The following SH3D19 variants were observed in gnomAD, a reference collection of about 807,000 sequenced individuals.
SH3D19 encodes SH3 domain-containing protein 19.
In SH3D19, 58 loss-of-function variants were observed where a neutral mutation model predicts 112.1. The ratio of observed to expected loss-of-function variants is 0.52; its 90% confidence interval spans 0.42 to 0.64. The LOEUF (loss-of-function observed/expected upper bound fraction) is 0.64. Ranked by LOEUF, SH3D19 falls within the 30% of genes least tolerant of loss-of-function variation. The pLI is 0.00. For missense variants in SH3D19, 1,090 were observed against 1,263.4 expected (o/e 0.86, Z 2.08); for synonymous variants, 391 against 448.5 (o/e 0.87, Z 1.62).
chr4:151,130,897 G>A (rs957153579), intron 17 of SH3D19, among the ~76,000 whole-genome samples: 1 of 150,984 alleles, frequency 6.6e-6, no homozygotes, highest in Non-Finnish European at 1.5e-5. Context: ...CCAAGACTGC[G>A]CCACTGCACT....
chr4:151,175,547 A>T lies in SH3D19; in HGVS notation c.657T>A (p.Ser219Arg). Residue 219 changes from serine to arginine, a missense_variant, in exon 7 of 20, where the codon AGT becomes AGA. By Grantham distance (110) the Ser-to-Arg change is moderately radical. Transcript: ENST00000604030. ...GTTTTGGCACTGGACATCTTGTAGCACTGGGGTTTTCTGGACAATTCGGTT... is the reference window on the plus strand; with the variant it reads ...GTTTTGGCACTGGACATCTTGTAGCTCTGGGGTTTTCTGGACAATTCGGTT... ...SEEPNCPENPSATRCPVPKPR... is the reference protein window; with the variant it reads ...SEEPNCPENPRATRCPVPKPR... 1 of 1,385,512 alleles carries T rather than the reference A, an allele frequency of 7.2e-7. No homozygotes were observed. The highest frequency in any genetic ancestry group is 9.3e-7 in the Non-Finnish European group (1 of 1,075,944). 85.8% of individuals were successfully genotyped at this position (1,385,512 alleles called of 1,614,324 possible). A position where few individuals can be genotyped will look rare whatever the true frequency, so the allele number is the denominator to read the frequency against.
intron 1 of SH3D19, among the ~76,000 whole-genome samples, chr4:151,303,100 T>C (rs1448414677): frequency 6.6e-6 from 1 of 152,154 alleles, no homozygotes; most frequent in Non-Finnish European, 1.5e-5. Flanking sequence ...GGAGATGAAA[T>C]ACACACAATA....
At chr4:151,153,839 A>C (rs1453084921) in intron 9 of SH3D19, among the ~76,000 whole-genome samples, 2 of 152,256 alleles carry the variant, frequency 1.3e-5, no homozygotes, top group African/African-American at 4.8e-5. Context: ...AGGAACAAAC[A>C]CAATTATGAA....
intron 2 of SH3D19, among the ~76,000 whole-genome samples, chr4:151,203,364 GT>G (rs574340574): frequency 4.3e-4 from 66 of 152,282 alleles, no homozygotes; most frequent in African/African-American, 1.3e-3. Context: ...AACCAGAAAG[GT>G]TTTCTTTAGC....
In SH3D19 at chr4:151,300,830, A is replaced by G. The variant is rs568402918; in HGVS notation, c.112+24411T>C. On this transcript the variant is annotated intron_variant, in intron 1 of 19. Coordinates refer to ENST00000604030, the MANE Select transcript of SH3D19 (RefSeq NM_001378122.1). ...TTGCAAACAGCCAGAGGTACCTGGA[A>G]CAGGACAGTGGCAATGAAGATGGAG... is the stretch of plus-strand genomic sequence containing the variant. 2.6e-3 allele frequency among the ~76,000 whole-genome samples: 396 copies of G among 152,358 alleles called. 2 individuals are homozygous for G. The highest frequency in any genetic ancestry group is 8.3e-3 in the African/African-American group (347 of 41,582).
intron 2 of SH3D19, among the ~76,000 whole-genome samples, chr4:151,204,689 A>G (rs1561338494): frequency 6.6e-6 from 1 of 152,250 alleles, no homozygotes; most frequent in Non-Finnish European, 1.5e-5. Flanking sequence ...TCAGGCCTAC[A>G]TAAACTAAAG....
At chr4:151,306,620 T>C (rs1195134355) in intron 1 of SH3D19, among the ~76,000 whole-genome samples, 2 of 152,206 alleles carry the variant, frequency 1.3e-5, no homozygotes, top group Non-Finnish European at 2.9e-5. Flanking sequence ...TGGAAACCTA[T>C]GAGGTGAGCA....
At chr4:151,318,397 T>C (rs1376548874) in intron 1 of SH3D19, among the ~76,000 whole-genome samples, 2 of 149,934 alleles carry the variant, frequency 1.3e-5, no homozygotes, top group African/African-American at 4.9e-5. Flanking sequence ...GCTTAAGAAA[T>C]ACCAAAGGAA....
intron 2 of SH3D19, among the ~76,000 whole-genome samples, chr4:151,199,182 A>G (rs558718032): frequency 6.6e-6 from 1 of 152,280 alleles, no homozygotes; most frequent in African/African-American, 2.4e-5. Context: ...GGAGCCCACA[A>G]AGAAGTATGT....
Position 151,148,165 on chromosome 4 carries a change from A to G in SH3D19, c.1839T>C (p.Ile613=). 2 of 1,605,564 alleles carry G rather than the reference A, an allele frequency of 1.2e-6. No homozygotes were observed. Among genetic ancestry groups the G allele is most frequent in the East Asian group, 4.5e-5 (2 of 44,804 alleles). Reference sequence around the variant, plus strand: ...CCTTGGTTGGAGGCTGTTGAGTTGGAATGGTTTTTCCATTCACAGGTCTGA... The same window carrying G: ...CCTTGGTTGGAGGCTGTTGAGTTGGGATGGTTTTTCCATTCACAGGTCTGA... ...LPPRPVNGKT[I]PTQQPPTKVP... The change falls in exon 11 of 20, where the codon ATT becomes ATC. Residue 613 remains isoleucine (I), a synonymous_variant. Transcript: ENST00000604030.
intron 2 of SH3D19, among the ~76,000 whole-genome samples, chr4:151,221,610 A>T (rs1768061929): frequency 6.6e-6 from 1 of 152,250 alleles, no homozygotes; most frequent in Non-Finnish European, 1.5e-5. Context: ...AGGTAAAAAT[A>T]CTGATATTTC....
intron 12 of SH3D19, among the ~76,000 whole-genome samples, chr4:151,142,494 G>C (rs1753176133): frequency 6.6e-6 from 1 of 151,616 alleles, no homozygotes; most frequent in Non-Finnish European, 1.5e-5. Flanking sequence ...CAACTCTGAA[G>C]ACAACTCTGT....
At chr4:151,270,910 C>T (rs1303374796) in intron 1 of SH3D19, among the ~76,000 whole-genome samples, 2 of 152,112 alleles carry the variant, frequency 1.3e-5, no homozygotes, top group African/African-American at 2.4e-5. Context: ...CTGATATACA[C>T]GTACTAGAGA....
chr4:151,205,762 T>C (rs1765013444), intron 2 of SH3D19, among the ~76,000 whole-genome samples: 1 of 152,208 alleles, frequency 6.6e-6, no homozygotes, highest in Non-Finnish European at 1.5e-5. Context: ...CCTACACTAA[T>C]GGTTTTACAT....
chr4:151,214,286 C>G (rs1462815095), intron 2 of SH3D19, among the ~76,000 whole-genome samples: 1 of 151,622 alleles, frequency 6.6e-6, no homozygotes, highest in Non-Finnish European at 1.5e-5. Flanking sequence ...ACAGACACGG[C>G]AACCATCCGA....
chr4:151,174,793 G>A lies in SH3D19; in HGVS notation c.1411C>T (p.Pro471Ser), dbSNP rs965901408. The change falls in exon 7 of 20, where the codon CCA (proline) becomes TCA (serine). Residue 471 changes from proline to serine, a missense_variant. Pro to Ser is a moderately conservative substitution (Grantham distance 74). Transcript: ENST00000604030. ...SLGEGPPANP[P>S]VPVLQSKPLV... is the part of the protein sequence containing the mutation. ...GGCTTGCTCTGCAGAACTGGAACTGGGGGGTTGGCTGGGGGCCCTTCTCCC... is the reference window on the plus strand; with the variant it reads ...GGCTTGCTCTGCAGAACTGGAACTGAGGGGTTGGCTGGGGGCCCTTCTCCC... 2 of 1,558,170 alleles carry A rather than the reference G, an allele frequency of 1.3e-6. No individual in the cohort carries two copies. Among genetic ancestry groups the A allele is most frequent in the South Asian group, 2.5e-5 (2 of 80,032 alleles).
At chr4:151,144,282 C>T in intron 11 of SH3D19, 1 of 1,613,926 alleles carries the variant, frequency 6.2e-7, no homozygotes, top group Non-Finnish European at 8.5e-7. Flanking sequence ...CCATGAGGCA[C>T]AGACAGCTTA....
intron 1 of SH3D19, among the ~76,000 whole-genome samples, chr4:151,256,733 A>G (rs1580341426): frequency 6.8e-6 from 1 of 147,924 alleles, no homozygotes; most frequent in East Asian, 2.0e-4. Context: ...GAAAGCTTCA[A>G]GTTAATTATT....
chr4:151,146,265 A>G (rs1753891206), intron 11 of SH3D19, among the ~76,000 whole-genome samples: 1 of 152,188 alleles, frequency 6.6e-6, no homozygotes, highest in African/African-American at 2.4e-5. Flanking sequence ...ATTGTTAAAA[A>G]GAGTAAGCAG....
Sources: gnomAD v4.1 joint callset for allele counts (sites outside exome capture counted in the v4.1 genomes callset) on GRCh38, gnomAD v4.1.1 for gene constraint, MANE v1.5 for transcripts, NCBI Gene and HGNC (gene_info 2026-07-23, HGNC 2026-07-21) for gene names.